Variants in DIPK1A observed in about 807,000 individuals in gnomAD.
DIPK1A encodes the protein family with sequence similarity 69 member A.
Under a neutral mutation model 40.8 loss-of-function variants are expected in DIPK1A, and 27 were observed. The ratio of observed to expected loss-of-function variants is 0.66; its 90% CI spans 0.49 to 0.91. The LOEUF is 0.91. DIPK1A is among the 40% of genes least tolerant of loss of function. The pLI is 0.00. For synonymous variants in DIPK1A, 166 were observed against 171.3 expected (o/e 0.97, Z 0.24); for missense variants, 412 against 505.7 (o/e 0.81, Z 1.78).
chr1:92,880,148 C>T (rs779300864), intron 1 of DIPK1A, among the ~76,000 whole-genome samples: 1 of 152,064 alleles, frequency 6.6e-6, no homozygotes, highest in African/African-American at 2.4e-5. Flanking sequence ...TACAATGTAG[C>T]CCCCCACAGC....
intron 1 of DIPK1A, chr1:92,877,225 A>G (rs1455470585): frequency 2.1e-5 from 14 of 651,406 alleles, no homozygotes; most frequent in Non-Finnish European, 2.7e-5. Context: ...ATTACATATC[A>G]AACAGTTTCA....
chr1:92,933,379 A>G (rs1436090540), intron 1 of DIPK1A: 1 of 152,206 alleles, frequency 6.6e-6, no homozygotes, highest in Non-Finnish European at 1.5e-5. Context: ...ATAGTATATA[A>G]TGCCATAACA....
intron 1 of DIPK1A, among the ~76,000 whole-genome samples, chr1:92,917,727 A>G (rs1650108520): frequency 6.6e-6 from 1 of 152,232 alleles, no homozygotes; most frequent in Non-Finnish European, 1.5e-5. Context: ...TCAATAGAAG[A>G]ATACCCAACC....
intron 1 of DIPK1A, among the ~76,000 whole-genome samples, chr1:92,936,629 CAAAA>C (rs754629896): frequency 9.8e-6 from 1 of 102,278 alleles, no homozygotes; most frequent in Non-Finnish European, 2.0e-5. Flanking sequence ...AACTCCGTCT[CAAAA>C]AAAAAAAAAA....
rs909442268 is a variant in DIPK1A, at chr1:92,836,475, T to C, written c.475-3441A>G. The C allele has an allele frequency of 2.4e-6, 3 of 1,259,580 alleles. No homozygotes were observed. In the Admixed American group the frequency reaches 5.3e-5, roughly 22 times the overall value. 78.0% of individuals were successfully genotyped at this position (1,259,580 alleles called of 1,614,324 possible). Reference sequence around the variant, plus strand: ...TAGTTGGACTGTGGAGATAACCGAATTAAAGTAGCTATCAATTGAATGCCT... The same window carrying C: ...TAGTTGGACTGTGGAGATAACCGAACTAAAGTAGCTATCAATTGAATGCCT... On this transcript the variant is annotated intron_variant, in intron 4 of 4. Transcript: ENST00000615519.
Position 92,959,509 on chromosome 1 carries a change from T to C in DIPK1A, c.54+1867A>G, listed in dbSNP as rs569319821. Among the ~76,000 whole-genome samples the C allele has an allele frequency of 1.9e-3, 272 of 146,228 alleles. 3 individuals carry two copies. The highest frequency in any genetic ancestry group is 6.3e-3 in the African/African-American group (247 of 39,400). ...CTCTGTCGCCCAGGCTGGAATGCAG[T>C]GGCACGATCACGGCTCACCACAAGC... On this transcript the variant is annotated intron_variant, in intron 1 of 4. Transcript: ENST00000370310.
rs1289996564 is a variant in DIPK1A, at chr1:92,847,195, A to G, written c.462T>C (p.Tyr154=). 6.4e-7 allele frequency: 1 copy of G among 1,561,322 alleles called. No homozygotes were observed. Among genetic ancestry groups the G allele is most frequent in the Admixed American group, 1.9e-5 (1 of 51,444 alleles). The change falls in exon 4 of 5, where the codon TAT becomes TAC. Residue 154 remains tyrosine, a synonymous_variant. Transcript: ENST00000370310. ...TGGGTATGCTTACCTTAAAGAGACTATAGACCATTTCTTTAAATTTTTGTA... is the reference window on the plus strand; with the variant it reads ...TGGGTATGCTTACCTTAAAGAGACTGTAGACCATTTCTTTAAATTTTTGTA... ...TTVQKFKEMV[Y]SLFKAKLGDQ...
intron 1 of DIPK1A, among the ~76,000 whole-genome samples, chr1:92,908,453 T>C (rs1425272619): frequency 6.6e-6 from 1 of 152,174 alleles, no homozygotes; most frequent in African/African-American, 2.4e-5. Context: ...AAGAGAGTGG[T>C]CAATGGTGTC....
chr1:92,863,791 A>G (rs757843093), intron 2 of DIPK1A, among the ~76,000 whole-genome samples: 1 of 151,572 alleles, frequency 6.6e-6, no homozygotes, highest in Non-Finnish European at 1.5e-5. Context: ...AGTGGCTCAC[A>G]CCTATAATCT....
At chr1:92,859,759 A>G (rs1339614298) in intron 2 of DIPK1A, among the ~76,000 whole-genome samples, 1 of 152,210 alleles carries the variant, frequency 6.6e-6, no homozygotes, top group Non-Finnish European at 1.5e-5. Context: ...CTGGAAGTGC[A>G]GTGGCATGAT....
intron 1 of DIPK1A, among the ~76,000 whole-genome samples, chr1:92,940,180 C>G (rs1231216085): frequency 2.6e-5 from 4 of 152,040 alleles, no homozygotes; most frequent in Non-Finnish European, 5.9e-5. Context: ...CTGATGTAGT[C>G]CTTTCAGGGT....
chr1:92,846,817 A>ATGTGTGTG (rs1452261772), intron 4 of DIPK1A, among the ~76,000 whole-genome samples: 144 of 5,708 alleles, frequency 0.025, 21 homozygotes, highest in East Asian at 0.048. Context: ...ATATATATAT[A>ATGTGTGTG]TATATATATA....
chr1:92,901,267 C>G (rs1009282902), intron 1 of DIPK1A, among the ~76,000 whole-genome samples: 1 of 151,824 alleles, frequency 6.6e-6, no homozygotes, highest in African/African-American at 2.4e-5. Flanking sequence ...CTGACATGGC[C>G]TACAAGCAGA....
rs191683027 is a variant in DIPK1A at position 92,945,602 on chromosome 1, T to G, written c.54+15774A>C. Among the ~76,000 whole-genome samples the G allele has an allele frequency of 2.2e-3, 335 of 152,342 alleles. 2 individuals carry two copies. The highest frequency in any genetic ancestry group is 6.8e-3 in the Middle Eastern group (2 of 294). ...CTTTGATGTATTTGGTCTCAAGACA[T>G]AAACTTCAGGATCCTAAGAGAAAGA... On this transcript the variant is annotated intron_variant, in intron 1 of 4. Transcript: ENST00000370310.
At chr1:92,834,637 G>T in intron 4 of DIPK1A, 1 of 1,090,400 alleles carries the variant, frequency 9.2e-7, no homozygotes, top group East Asian at 2.5e-5. Context: ...TAATTTACTG[G>T]TAACCCAGCT....
chr1:92,882,690 T>C (rs1328161759), intron 1 of DIPK1A, among the ~76,000 whole-genome samples: 1 of 152,224 alleles, frequency 6.6e-6, no homozygotes, highest in Non-Finnish European at 1.5e-5. Flanking sequence ...GATTTTTCAG[T>C]AAGCAATTTT....
chr1:92,876,264 T>C (rs547512384), intron 2 of DIPK1A, 32 bp downstream of exon 2: 2 of 1,403,866 alleles, frequency 1.4e-6, no homozygotes, highest in South Asian at 2.9e-5. Context: ...ATGAAGAGGC[T>C]TTTTAGTAAA....
intron 1 of DIPK1A, among the ~76,000 whole-genome samples, chr1:92,885,535 T>C (rs191582083): frequency 1.3e-3 from 195 of 152,274 alleles, no homozygotes; most frequent in Non-Finnish European, 2.3e-3. Context: ...TTTGTATTTT[T>C]AGTAGAGATG....
downstream of DIPK1A, chr1:92,840,694 C>A (rs756230273): frequency 8.0e-7 from 1 of 1,252,688 alleles, no homozygotes. Context: ...ATGGTTCCCA[C>A]GTGGGGCAGA....
Sources: allele counts gnomAD v4.1 joint callset (sites outside exome capture counted in the v4.1 genomes callset), GRCh38; gene constraint gnomAD v4.1.1; transcripts MANE v1.5; gene names NCBI Gene and HGNC (gene_info 2026-07-23, HGNC 2026-07-21).